Variants in SIRPG observed in about 807,000 individuals in gnomAD.
SIRPG encodes the protein signal-regulatory protein gamma.
In SIRPG, 38 loss-of-function variants were observed where a neutral mutation model predicts 35.7. That is an observed-to-expected ratio of 1.06 (90% CI 0.82 to 1.40). The LOEUF is 1.40. Among genes scored for constraint, SIRPG ranks in the 40% most tolerant of loss-of-function variants. The pLI is 0.00. For synonymous variants in SIRPG, 215 were observed against 190.4 expected, an observed-to-expected ratio of 1.13 and a Z score of -1.06; for missense variants, 519 against 483.0, an observed-to-expected ratio of 1.07 and a Z score of -0.70.
At chr20:1,681,866 T>A in the SIRPG span, among the ~76,000 whole-genome samples, 1 of 152,074 alleles carries the variant, frequency 6.6e-6, no homozygotes, top group African/African-American at 2.4e-5. Flanking sequence ...AAAATAAAGT[T>A]TTTACTCAGT....
At position 1,634,984 on chromosome 20, in the gene SIRPG, G is replaced by C. The variant is rs572322462; in HGVS notation, c.1081+283C>G. On this transcript the variant is annotated intron_variant, in intron 4 of 5. Coordinates refer to ENST00000303415, the MANE Select transcript of SIRPG (RefSeq NM_018556.4). ...CGTGAACCCGGGAGGCGGAGCTTGC[G>C]GTGAGCAGAGATCGCGCCACTGCAC... is the stretch of plus-strand genomic sequence containing the variant. Among the ~76,000 whole-genome samples the C allele has an allele frequency of 3.0e-4, 46 of 151,960 alleles. No homozygotes were observed. In the East Asian group the frequency reaches 7.6e-3, roughly 25 times the overall value.
At chr20:1,634,047 T>A (rs147154441) in intron 4 of SIRPG, among the ~76,000 whole-genome samples, 1 of 152,236 alleles carries the variant, frequency 6.6e-6, no homozygotes, top group African/African-American at 2.4e-5. Context: ...AACTCCAGAC[T>A]TACTGGGTGG....
At chr20:1,677,085 A>G in the SIRPG span, among the ~76,000 whole-genome samples, 36,985 of 145,170 alleles carry the variant, frequency 0.25, 5,328 homozygotes, top group East Asian at 0.59. Context: ...AGAAGTGAGG[A>G]CAATGAGGCG....
At chr20:1,674,044 C>T in the SIRPG span, among the ~76,000 whole-genome samples, 2 of 152,192 alleles carry the variant, frequency 1.3e-5, no homozygotes. Flanking sequence ...TATTCTGAAG[C>T]ATCCACATCC....
rs138175853 is a variant in SIRPG at position 1,638,203 on chromosome 20, G to A, written c.431-1698C>T. ...CCTTTATTGCCTTGAGGGGGTCCTC[G>A]TGTGAGTCCCTTATAGGACCAGGGT... On this transcript the variant is annotated intron_variant, in intron 2 of 5. Coordinates refer to ENST00000303415, the MANE Select transcript of SIRPG (RefSeq NM_018556.4). 2.6e-5 allele frequency among the ~76,000 whole-genome samples: 4 copies of A among 152,220 alleles called. No homozygotes were observed. The East Asian group carries it at 5.8e-4, about 22-fold the overall frequency.
upstream of SIRPG, among the ~76,000 whole-genome samples, chr20:1,662,102 T>C (rs4814414): frequency 0.44 from 66,831 of 151,702 alleles, 14,972 homozygotes; most frequent in Admixed American, 0.49. Context: ...AAAGTGACAT[T>C]TCTTCTTAGA....
chr20:1,657,771 C>T lies in SIRPG; in HGVS notation c.-57G>A, dbSNP rs1600230554. 3.3e-6 allele frequency: 5 copies of T among 1,526,174 alleles called. No homozygotes were observed. In the Admixed American group the frequency reaches 8.9e-5, roughly 27 times the overall value. 94.5% of individuals were successfully genotyped at this position (1,526,174 alleles called of 1,614,324 possible). A position where few individuals can be genotyped will look rare whatever the true frequency, so the allele number is the denominator to read the frequency against. On this transcript the variant is annotated 5_prime_UTR_variant, in exon 1 of 6. Coordinates refer to ENST00000303415, the MANE Select transcript of SIRPG (RefSeq NM_018556.4). ...ACGTCTGTTCTGGGGAGATGTCAGG[C>T]CCTGCTCTGAAGACAGAAGACAAGC...
intron 2 of SIRPG, chr20:1,638,570 AAGG>A (rs1179658626): frequency 6.6e-6 from 1 of 152,108 alleles, no homozygotes; most frequent in African/African-American, 2.4e-5. Context: ...AGCATTTTGG[AAGG>A]AGGAGGGAAC....
At chr20:1,657,580 C>T (rs1277869516) in intron 1 of SIRPG, 62 bp downstream of exon 1, 1 of 1,535,152 alleles carries the variant, frequency 6.5e-7, no homozygotes, top group African/African-American at 1.4e-5. Flanking sequence ...TGCTGCAAGT[C>T]CAGGGGCAAG....
At chr20:1,630,129 A>C in intron 5 of SIRPG, 93 bp downstream of exon 5, 1 of 980,426 alleles carries the variant, frequency 1.0e-6, no homozygotes, top group Admixed American at 2.0e-5. Context: ...AACTCCACGG[A>C]CCCTGGTGCT....
the SIRPG span, chr20:1,670,893 A>C: frequency 1.3e-5 from 4 of 315,854 alleles, no homozygotes; most frequent in South Asian, 1.3e-4. Flanking sequence ...GAATGGTTTC[A>C]GACAAGTTTT....
chr20:1,649,124 C>T lies in SIRPG; in HGVS notation c.358G>A (p.Val120Met), dbSNP rs1410520246. 1.2e-6 allele frequency: 2 copies of T among 1,613,966 alleles called. No homozygotes were observed. The highest frequency in any genetic ancestry group is 1.7e-6 in the Non-Finnish European group (2 of 1,179,884). ...TCAGGGCTCCCTTTTCGAAACTTCA[C>T]ACAGTAGTATGTGCCGACATCTGCT... Reference protein sequence around the residue: ...TPADVGTYYCVKFRKGSPENV... With the variant: ...TPADVGTYYCMKFRKGSPENV... The change falls in exon 2 of 6, where the codon GTG becomes ATG. Residue 120 changes from valine to methionine, a missense_variant. Val to Met is a conservative substitution (Grantham distance 21). Coordinates refer to ENST00000303415, the MANE Select transcript of SIRPG (RefSeq NM_018556.4).
chr20:1,676,087 C>T, the SIRPG span, among the ~76,000 whole-genome samples: 36,693 of 152,114 alleles, frequency 0.24, 5,203 homozygotes, highest in East Asian at 0.59. Context: ...GAGCCACTTA[C>T]TCGATGTGAT....
chr20:1,654,916 C>T (rs1192694215), intron 1 of SIRPG, among the ~76,000 whole-genome samples: 1 of 152,028 alleles, frequency 6.6e-6, no homozygotes, highest in Non-Finnish European at 1.5e-5. Context: ...GATGGCAAGT[C>T]AGCGTATAAA....
At chr20:1,640,025 C>A (rs1277098912) in intron 2 of SIRPG, among the ~76,000 whole-genome samples, 1 of 152,066 alleles carries the variant, frequency 6.6e-6, no homozygotes, top group Non-Finnish European at 1.5e-5. Flanking sequence ...TTACTGTAGC[C>A]TTGTAATATA....
chr20:1,677,702 G>A, the SIRPG span, among the ~76,000 whole-genome samples: 109 of 152,224 alleles, frequency 7.2e-4, 1 homozygote, highest in Middle Eastern at 3.4e-3. Context: ...GTGTGACTGC[G>A]TTACAATCAA....
At chr20:1,665,790 T>C in the SIRPG span, among the ~76,000 whole-genome samples, 1 of 152,234 alleles carries the variant, frequency 6.6e-6, no homozygotes, top group Non-Finnish European at 1.5e-5. Context: ...GCCCTTTGTT[T>C]TTCTTTTTAT....
chr20:1,669,634 G>A, the SIRPG span, among the ~76,000 whole-genome samples: 1 of 152,190 alleles, frequency 6.6e-6, no homozygotes, highest in Non-Finnish European at 1.5e-5. Flanking sequence ...GAGAACATAA[G>A]TAAACATCTG....
intron 5 of SIRPG, among the ~76,000 whole-genome samples, chr20:1,629,973 C>T (rs976831913): frequency 2.0e-5 from 3 of 152,226 alleles, no homozygotes; most frequent in African/African-American, 7.2e-5. Flanking sequence ...ACCCACTCAT[C>T]ACTGCCTCCA....
Sources: gnomAD v4.1 joint callset for allele counts (sites outside exome capture counted in the v4.1 genomes callset) on GRCh38, gnomAD v4.1.1 for gene constraint, MANE v1.5 for transcripts, NCBI Gene and HGNC (gene_info 2026-07-23, HGNC 2026-07-21) for gene names.